GPC5: variants seen among roughly 807,000 people sequenced by gnomAD.
GPC5 encodes the protein glypican 5.
Under a neutral mutation model 53.9 loss-of-function variants are expected in GPC5, and 47 were observed. The observed-to-expected ratio is 0.87, with a 90% confidence interval of 0.69 to 1.11. The LOEUF (loss-of-function observed/expected upper bound fraction) is 1.11. Among genes scored for constraint, GPC5 ranks in the 50% most tolerant of loss-of-function variants. GPC5 has a pLI of 0.00. For missense variants in GPC5, 748 were observed against 713.1 expected (o/e 1.05, Z -0.56); for synonymous variants, 286 against 263.3 (o/e 1.09, Z -0.84).
At chr13:92,571,925 C>T (rs559961937) in intron 7 of GPC5, among the ~76,000 whole-genome samples, 1 of 152,142 alleles carries the variant, frequency 6.6e-6, no homozygotes, top group African/African-American at 2.4e-5. Flanking sequence ...GTCCCAGCTA[C>T]TCAGGAGGCT....
At chr13:91,585,348 A>G (rs908274694) in intron 2 of GPC5, among the ~76,000 whole-genome samples, 1 of 152,226 alleles carries the variant, frequency 6.6e-6, no homozygotes, top group African/African-American at 2.4e-5. Context: ...AACAAAGTTC[A>G]TAACAGCATT....
At chr13:91,520,330 C>T (rs1464820258) in intron 2 of GPC5, among the ~76,000 whole-genome samples, 1 of 152,100 alleles carries the variant, frequency 6.6e-6, no homozygotes, top group South Asian at 2.1e-4. Flanking sequence ...TTTCCTGGTC[C>T]CCAGATGTGT....
intron 6 of GPC5, among the ~76,000 whole-genome samples, chr13:92,101,680 C>CA (rs2041468537): frequency 2.0e-5 from 3 of 152,126 alleles, no homozygotes; most frequent in Admixed American, 6.5e-5. Context: ...CAAGAATATG[C>CA]AAAATCAATA....
rs1001457731 is a variant in GPC5 at position 91,856,311 on chromosome 13, G to A, written c.1281-51626G>A. On this transcript the variant is annotated intron_variant, in intron 5 of 7. Coordinates refer to ENST00000377067, the MANE Select transcript of GPC5 (RefSeq NM_004466.6). Reference sequence around the variant, plus strand: ...CATGTATGTAAAAGCCTTTTTGTGGGCATTCAACTGATCTTGTGTAAAGGC... The same window carrying A: ...CATGTATGTAAAAGCCTTTTTGTGGACATTCAACTGATCTTGTGTAAAGGC... 8.8e-4 allele frequency among the ~76,000 whole-genome samples: 133 copies of A among 151,458 alleles called. 1 individual carries two copies. Among genetic ancestry groups the A allele is most frequent in the Non-Finnish European group, 6.1e-4 (41 of 67,502 alleles).
intron 6 of GPC5, among the ~76,000 whole-genome samples, chr13:92,107,525 G>A (rs776580613): frequency 1.3e-4 from 20 of 152,024 alleles, no homozygotes; most frequent in Non-Finnish European, 2.6e-4. Context: ...ATATTACTCT[G>A]AGAAATTAAT....
chr13:92,527,116 G>GAAAGAAAGAAAGA (rs1881319713), intron 7 of GPC5, among the ~76,000 whole-genome samples: 2 of 61,256 alleles, frequency 3.3e-5, no homozygotes, highest in African/African-American at 1.2e-4. Flanking sequence ...AAAAAAGAAA[G>GAAAGAAAGAAAGA]AAAGAAAGAA....
intron 3 of GPC5, among the ~76,000 whole-genome samples, chr13:91,718,806 C>T (rs1168566572): frequency 6.6e-6 from 1 of 152,132 alleles, no homozygotes; most frequent in Non-Finnish European, 1.5e-5. Flanking sequence ...GTGATTTTCT[C>T]TGGCTCCTAT....
chr13:92,752,601 C>A (rs1420782579), intron 7 of GPC5, among the ~76,000 whole-genome samples: 2 of 152,086 alleles, frequency 1.3e-5, no homozygotes, highest in Non-Finnish European at 2.9e-5. Context: ...CTAGGGAGTG[C>A]CAGACAGTGG....
Position 92,306,014 on chromosome 13 carries a change from C to T in GPC5, c.1561+161025C>T, listed in dbSNP as rs148156688. 3.6e-3 allele frequency among the ~76,000 whole-genome samples: 548 copies of T among 152,246 alleles called. 3 individuals carry two copies. Among genetic ancestry groups the T allele is most frequent in the African/African-American group, 0.013 (533 of 41,548 alleles). On this transcript the variant is annotated intron_variant, in intron 7 of 7. Coordinates refer to ENST00000377067, the MANE Select transcript of GPC5 (RefSeq NM_004466.6). ...AATGAAGCAGAGAGATGGGAAAGTA[C>T]GTGGACTGAGAAGAGCAAACGAGCT... is the stretch of plus-strand genomic sequence containing the variant.
intron 2 of GPC5, among the ~76,000 whole-genome samples, chr13:91,469,744 T>C (rs1457665983): frequency 1.3e-5 from 2 of 152,138 alleles, no homozygotes; most frequent in African/African-American, 4.8e-5. Flanking sequence ...ATTCATCTTT[T>C]TGAAAAAAAA....
chr13:92,494,191 G>A (rs1477154854), intron 7 of GPC5, among the ~76,000 whole-genome samples: 4 of 152,106 alleles, frequency 2.6e-5, no homozygotes, highest in African/African-American at 7.2e-5. Flanking sequence ...CTGGGTTCAC[G>A]CCATTCTCCT....
At chr13:91,693,166 T>C (rs2035792857) in intron 2 of GPC5, 21 bp from the exon 3 acceptor site, 1 of 1,567,142 alleles carries the variant, frequency 6.4e-7, no homozygotes, top group Non-Finnish European at 8.8e-7. Context: ...TTCTCATGTT[T>C]TACCTCTGCT....
At chr13:91,760,107 T>G (rs2138654118) in intron 5 of GPC5, among the ~76,000 whole-genome samples, 1 of 152,256 alleles carries the variant, frequency 6.6e-6, no homozygotes. Context: ...GTTTTTTATG[T>G]TTTATAATTC....
At chr13:91,434,176 C>A (rs938796124) in intron 1 of GPC5, among the ~76,000 whole-genome samples, 1 of 152,130 alleles carries the variant, frequency 6.6e-6, no homozygotes, top group African/African-American at 2.4e-5. Flanking sequence ...ATGGTAGTTT[C>A]TTTTGCTGTG....
At chr13:92,818,635 G>C (rs1877566858) in intron 7 of GPC5, among the ~76,000 whole-genome samples, 1 of 151,872 alleles carries the variant, frequency 6.6e-6, no homozygotes, top group African/African-American at 2.4e-5. Flanking sequence ...GTCTGGCTCC[G>C]ATATTCTTTA....
chr13:92,362,969 C>T (rs12876767), intron 7 of GPC5, among the ~76,000 whole-genome samples: 1 of 151,662 alleles, frequency 6.6e-6, no homozygotes, highest in South Asian at 2.1e-4. Flanking sequence ...CTCGTCAGAG[C>T]CTGACAGTCT....
rs67507888 is a variant in GPC5 at position 91,650,750 on chromosome 13, G to GTTTTTTTTTTTTTT, written c.326-42428_326-42415dup. 1.3e-3 allele frequency among the ~76,000 whole-genome samples: 132 copies of GTTTTTTTTTTTTTT among 99,588 alleles called. 5 individuals are homozygous for GTTTTTTTTTTTTTT. Among genetic ancestry groups the GTTTTTTTTTTTTTT allele is most frequent in the African/African-American group, 4.4e-3 (108 of 24,656 alleles). 65.3% of individuals were successfully genotyped at this position (99,588 alleles called of 152,430 possible). On this transcript the variant is annotated intron_variant, in intron 2 of 7. Transcript: ENST00000377067. ...CATCTGTGAAACAAAATTCCCATAA[G>GTTTTTTTTTTTTTT]TTTTTTTTTTTTTTTTTTTTTTAGC...
chr13:91,651,358 G>A (rs188656328), intron 2 of GPC5, among the ~76,000 whole-genome samples: 4 of 152,032 alleles, frequency 2.6e-5, no homozygotes, highest in African/African-American at 9.7e-5. Context: ...CCCTTTCCTA[G>A]TCTATCTCAG....
At chr13:91,872,858 T>C (rs2039162773) in intron 5 of GPC5, among the ~76,000 whole-genome samples, 1 of 152,126 alleles carries the variant, frequency 6.6e-6, no homozygotes, top group Non-Finnish European at 1.5e-5. Flanking sequence ...TGCAGTGGTG[T>C]TTTAAAAAAC....
Sources: allele counts gnomAD v4.1 joint callset (sites outside exome capture counted in the v4.1 genomes callset), GRCh38; gene constraint gnomAD v4.1.1; transcripts MANE v1.5; gene names NCBI Gene and HGNC (gene_info 2026-07-23, HGNC 2026-07-21).